Variants in OPCML observed in about 807,000 individuals in gnomAD.
The protein encoded by OPCML is opioid binding protein/cell adhesion molecule like.
Under a neutral mutation model 37.8 loss-of-function variants are expected in OPCML, and 13 were observed. The ratio of observed to expected loss-of-function variants is 0.34; its 90% CI spans 0.22 to 0.55. OPCML has a LOEUF of 0.55. Among genes scored for constraint, OPCML ranks in the 20% least tolerant of loss-of-function variants. The pLI is 0.91. For missense variants in OPCML, 341 were observed against 435.6 expected (o/e 0.78, Z 1.93); for synonymous variants, 176 against 168.8 (o/e 1.04, Z -0.33).
intron 1 of OPCML, among the ~76,000 whole-genome samples, chr11:133,465,332 T>C (rs1229556434): frequency 6.6e-6 from 1 of 152,136 alleles, no homozygotes; most frequent in Non-Finnish European, 1.5e-5. Flanking sequence ...AATCTCCCTA[T>C]CTCAAGATTT....
At chr11:132,701,731 T>A (rs1264273763) in intron 2 of OPCML, among the ~76,000 whole-genome samples, 3 of 151,912 alleles carry the variant, frequency 2.0e-5, no homozygotes, top group South Asian at 4.2e-4. Flanking sequence ...CCTTTCTTCC[T>A]CCCTTGCTGC....
At chr11:132,837,792 C>T (rs867852916) in intron 2 of OPCML, among the ~76,000 whole-genome samples, 3 of 152,042 alleles carry the variant, frequency 2.0e-5, no homozygotes, top group Non-Finnish European at 2.9e-5. Context: ...CGGGGGAAGG[C>T]GGGCATCTGA....
At position 132,415,483 on chromosome 11, in the gene OPCML, ATTG is replaced by A. The variant is rs1167756420; in HGVS notation, c.*4707_*4709del. The A allele has an allele frequency of 1.3e-5, 2 of 152,212 alleles. No homozygotes were observed. Among genetic ancestry groups the A allele is most frequent in the Non-Finnish European group, 2.9e-5 (2 of 68,034 alleles). 9.4% of individuals were successfully genotyped at this position (152,212 alleles called of 1,614,324 possible). A position where few individuals can be genotyped will look rare whatever the true frequency, so the allele number is the denominator to read the frequency against. ...ACAAGGGCAGCTTGCAGTACATAGC[ATTG>A]TTATTACTGATAGCTTTATAAATCT... On this transcript the variant is annotated 3_prime_UTR_variant, in exon 8 of 8. Transcript: ENST00000524381.
At chr11:133,326,810 C>T (rs1943476147) in intron 1 of OPCML, among the ~76,000 whole-genome samples, 1 of 54,014 alleles carries the variant, frequency 1.9e-5, no homozygotes, top group South Asian at 6.8e-4. Context: ...GGTGTGTGTA[C>T]ATTTGTGGGT....
intron 4 of OPCML, among the ~76,000 whole-genome samples, chr11:132,480,121 A>G (rs1417456415): frequency 6.6e-6 from 1 of 152,160 alleles, no homozygotes; most frequent in Non-Finnish European, 1.5e-5. Flanking sequence ...AAAACTTTGA[A>G]AAAAATTTAG....
At chr11:133,007,061 C>T in intron 1 of OPCML, 1 of 985,376 alleles carries the variant, frequency 1.0e-6, no homozygotes, top group Admixed American at 6.1e-5. Context: ...CTTTTCTTTC[C>T]AGACTTTGAG....
intron 1 of OPCML, among the ~76,000 whole-genome samples, chr11:133,377,800 G>T (rs1944847011): frequency 6.6e-6 from 1 of 152,008 alleles, no homozygotes; most frequent in Admixed American, 6.5e-5. Context: ...GAAACACCTA[G>T]TGCGGGTCCT....
At chr11:133,032,968 A>G (rs1328819666) in intron 1 of OPCML, among the ~76,000 whole-genome samples, 1 of 152,118 alleles carries the variant, frequency 6.6e-6, no homozygotes, top group Admixed American at 6.5e-5. Context: ...AATATATATA[A>G]TTACTCTACA....
chr11:132,496,040 T>C (rs1042797926), intron 4 of OPCML, among the ~76,000 whole-genome samples: 12 of 152,166 alleles, frequency 7.9e-5, no homozygotes, highest in African/African-American at 2.9e-4. Context: ...TCAGCCCATG[T>C]CCCTGAGGCA....
intron 1 of OPCML, among the ~76,000 whole-genome samples, chr11:133,099,539 G>T (rs529771691): frequency 6.7e-6 from 1 of 148,526 alleles, no homozygotes; most frequent in African/African-American, 2.5e-5. Context: ...CACCCACCTT[G>T]GGCTCCCAAA....
At chr11:132,859,714 AAG>A (rs1942216793) in intron 2 of OPCML, 1 of 152,236 alleles carries the variant, frequency 6.6e-6, no homozygotes, top group Non-Finnish European at 1.5e-5. Flanking sequence ...AGTGTTTTGT[AAG>A]AGACAAATGA....
chr11:133,084,617 T>C (rs753069261), intron 1 of OPCML, among the ~76,000 whole-genome samples: 3 of 152,294 alleles, frequency 2.0e-5, no homozygotes, highest in Non-Finnish European at 2.9e-5. Context: ...GGGAGGCGTA[T>C]TGGGGCGCTC....
intron 1 of OPCML, among the ~76,000 whole-genome samples, chr11:133,197,584 G>GACTA (rs1409566069): frequency 2.0e-5 from 3 of 152,210 alleles, no homozygotes; most frequent in Admixed American, 6.5e-5. Flanking sequence ...AGATGGGAAT[G>GACTA]ACTAATCACA....
At chr11:133,130,771 G>A (rs1271987995) in intron 1 of OPCML, among the ~76,000 whole-genome samples, 1 of 151,756 alleles carries the variant, frequency 6.6e-6, no homozygotes, top group Admixed American at 6.6e-5. Flanking sequence ...CAGGGGGCTT[G>A]GAAATAGATC....
chr11:133,018,876 A>G (rs1947391920), intron 1 of OPCML, among the ~76,000 whole-genome samples: 1 of 152,230 alleles, frequency 6.6e-6, no homozygotes, highest in Non-Finnish European at 1.5e-5. Context: ...ATGAGGACTG[A>G]CAAAACCAAA....
intron 1 of OPCML, among the ~76,000 whole-genome samples, chr11:133,285,541 A>T (rs1048496944): frequency 6.6e-6 from 1 of 152,164 alleles, no homozygotes; most frequent in Non-Finnish European, 1.5e-5. Context: ...TGGCAGTGAG[A>T]ATAGAGAGGA....
intron 1 of OPCML, among the ~76,000 whole-genome samples, chr11:133,245,234 T>A (rs1940878309): frequency 6.6e-6 from 1 of 152,204 alleles, no homozygotes; most frequent in Non-Finnish European, 1.5e-5. Flanking sequence ...CAGGGGTCGT[T>A]CAAAGATAGG....
At chr11:133,034,308 GGTGTGTGTGTGT>G (rs71038514) in intron 1 of OPCML, among the ~76,000 whole-genome samples, 3 of 143,436 alleles carry the variant, frequency 2.1e-5, no homozygotes, top group South Asian at 2.3e-4. Flanking sequence ...TGTATGTATA[GGTGTGTGTGTGT>G]GTGTGTGTGT....
At chr11:132,886,128 A>T (rs1943405517) in intron 2 of OPCML, among the ~76,000 whole-genome samples, 1 of 152,262 alleles carries the variant, frequency 6.6e-6, no homozygotes, top group Non-Finnish European at 1.5e-5. Context: ...CGTAATTTAC[A>T]TAACTAGTCC....
Sources: allele counts gnomAD v4.1 joint callset (sites outside exome capture counted in the v4.1 genomes callset), GRCh38; gene constraint gnomAD v4.1.1; transcripts MANE v1.5; gene names NCBI Gene and HGNC (gene_info 2026-07-23, HGNC 2026-07-21).